The following SMYD3 variants were observed in gnomAD, a reference collection of about 807,000 sequenced individuals.
SMYD3 encodes the protein SET and MYND domain containing 3, also known as histone-lysine N-methyltransferase SMYD3.
Under a neutral mutation model 57.7 loss-of-function variants are expected in SMYD3, and 36 were observed. The ratio of observed to expected loss-of-function variants is 0.62; its 90% CI spans 0.48 to 0.82. The LOEUF (loss-of-function observed/expected upper bound fraction) is 0.82, where lower values mean the gene tolerates loss of function less well. SMYD3 is among the 40% of genes least tolerant of loss of function. The probability of loss-of-function intolerance (pLI) is 0.00; values close to 1 mark genes in which losing one functional copy is unlikely to be tolerated. For missense variants in SMYD3, 515 were observed against 538.8 expected, an observed-to-expected ratio of 0.96 and a Z score of 0.44; for synonymous variants, 211 against 195.0, an observed-to-expected ratio of 1.08 and a Z score of -0.68.
intron 5 of SMYD3, among the ~76,000 whole-genome samples, chr1:246,056,741 C>T (rs35792493): frequency 0.076 from 11,497 of 151,222 alleles, 516 homozygotes; most frequent in African/African-American, 0.12. Flanking sequence ...AAATATCACT[C>T]TGTAGCCCAT....
In SMYD3 at chr1:246,412,008, G is replaced by A. The variant is rs1255225745; in HGVS notation, c.165-56914C>T. Among the ~76,000 whole-genome samples the A allele has an allele frequency of 2.7e-5, 4 of 149,576 alleles. No individual in the cohort carries two copies. In the East Asian group the frequency reaches 7.8e-4, roughly 29 times the overall value. On this transcript the variant is annotated intron_variant, in intron 1 of 11. Coordinates refer to ENST00000490107, the MANE Select transcript of SMYD3 (RefSeq NM_001167740.2). ...AAAAAAAAAAACTTAAGGTACAGCA[G>A]CCACTATCCTGTCTCTTCCCCTTGT...
At chr1:246,406,093 A>ATT (rs529374213) in intron 1 of SMYD3, among the ~76,000 whole-genome samples, 5 of 145,312 alleles carry the variant, frequency 3.4e-5, no homozygotes, top group East Asian at 2.0e-4. Context: ...TTAAAATGGG[A>ATT]TTTTTTTTTT....
At chr1:245,765,359 A>C (rs1028828535) in intron 10 of SMYD3, among the ~76,000 whole-genome samples, 88 of 151,172 alleles carry the variant, frequency 5.8e-4, no homozygotes, top group African/African-American at 2.1e-3. Flanking sequence ...ACTGCACTCC[A>C]CCCTGGGTGA....
chr1:245,854,299 T>A (rs1572517237), intron 10 of SMYD3, among the ~76,000 whole-genome samples: 1 of 152,174 alleles, frequency 6.6e-6, no homozygotes, highest in Admixed American at 6.5e-5. Flanking sequence ...AAAATAAATA[T>A]AACTTTCACT....
chr1:246,259,732 TG>T (rs2063968142), intron 5 of SMYD3, among the ~76,000 whole-genome samples: 1 of 152,202 alleles, frequency 6.6e-6, no homozygotes, highest in Admixed American at 6.5e-5. Context: ...CCCAAGGGCA[TG>T]GGGCCAGACT....
chr1:246,380,396 A>G (rs2066367401), intron 1 of SMYD3, among the ~76,000 whole-genome samples: 1 of 152,250 alleles, frequency 6.6e-6, no homozygotes. Context: ...TCCCAATGGC[A>G]ATAAACTATA....
In SMYD3 at chr1:245,764,052, T is replaced by C; in HGVS notation, c.1174A>G (p.Asn392Asp). The change falls in exon 11 of 12, where the codon AAT (asparagine) becomes GAT (aspartate). Residue 392 changes from asparagine to aspartate, a missense_variant. Physicochemically the swap from Asn to Asp is conservative, Grantham distance 23 (BLOSUM62 1). Coordinates refer to ENST00000490107, the MANE Select transcript of SMYD3 (RefSeq NM_001167740.2). ...CTTGGCACACTCACCAGTCTCAGAT[T>C]CTTCATTGCTTGGGGAAACATGCCT... ...HQGMFPQAMKNLRLAFDIMRV... is the reference protein window; with the variant it reads ...HQGMFPQAMKDLRLAFDIMRV... 1 of 1,613,350 alleles carries C rather than the reference T, an allele frequency of 6.2e-7. No individual in the cohort carries two copies. Among genetic ancestry groups the C allele is most frequent in the Middle Eastern group, 1.6e-4 (1 of 6,062 alleles).
chr1:246,227,524 A>G (rs2063346715), intron 5 of SMYD3, among the ~76,000 whole-genome samples: 1 of 152,178 alleles, frequency 6.6e-6, no homozygotes, highest in South Asian at 2.1e-4. Flanking sequence ...CTGAGGCAGG[A>G]GAATCACTTG....
chr1:246,294,288 CA>C (rs1408264979), intron 5 of SMYD3, among the ~76,000 whole-genome samples: 1 of 152,192 alleles, frequency 6.6e-6, no homozygotes, highest in African/African-American at 2.4e-5. Context: ...GAATGATAGA[CA>C]ATTACAGAAG....
At chr1:245,982,069 G>A (rs940237543) in intron 5 of SMYD3, among the ~76,000 whole-genome samples, 1 of 152,204 alleles carries the variant, frequency 6.6e-6, no homozygotes, top group African/African-American at 2.4e-5. Flanking sequence ...TCCCTTTAAA[G>A]TTTTTGGGTA....
chr1:245,811,357 C>T (rs371581888), intron 10 of SMYD3, among the ~76,000 whole-genome samples: 2 of 152,280 alleles, frequency 1.3e-5, no homozygotes, highest in African/African-American at 2.4e-5. Flanking sequence ...GTGTTTCCAG[C>T]CTACTTAAGA....
At chr1:245,959,286 A>G (rs1045683002) in intron 5 of SMYD3, among the ~76,000 whole-genome samples, 44 of 152,054 alleles carry the variant, frequency 2.9e-4, no homozygotes, top group Non-Finnish European at 5.9e-4. Flanking sequence ...CTAAGTGAGG[A>G]GCAGTGTTAG....
Position 246,361,398 on chromosome 1 carries a change from G to A in SMYD3, c.165-6304C>T, listed in dbSNP as rs953453844. On this transcript the variant is annotated intron_variant, in intron 1 of 11. Coordinates refer to ENST00000490107, the MANE Select transcript of SMYD3 (RefSeq NM_001167740.2). ...ATGGAAAACAGTGGAGATTCCTAAA[G>A]AACTAAAAGTAAATCTACCATTTGA... Among the ~76,000 whole-genome samples, 10 of 152,266 alleles carry A rather than the reference G, an allele frequency of 6.6e-5. No homozygotes were observed. The East Asian group carries it at 1.9e-3, about 29-fold the overall frequency.
At chr1:245,973,710 C>T (rs995487694) in intron 5 of SMYD3, among the ~76,000 whole-genome samples, 7 of 152,176 alleles carry the variant, frequency 4.6e-5, no homozygotes, top group African/African-American at 1.7e-4. Context: ...CATCCCAACT[C>T]AAGAACAAAT....
chr1:246,091,079 G>A (rs573996040), intron 5 of SMYD3, among the ~76,000 whole-genome samples: 2 of 152,238 alleles, frequency 1.3e-5, no homozygotes, highest in South Asian at 2.1e-4. Flanking sequence ...ACAGGCATCC[G>A]TCAGCCAGTT....
At chr1:245,772,281 TTTC>T (rs2046368480) in intron 10 of SMYD3, among the ~76,000 whole-genome samples, 1 of 152,228 alleles carries the variant, frequency 6.6e-6, no homozygotes, top group East Asian at 1.9e-4. Flanking sequence ...TTTTCTTGCA[TTTC>T]TTTTACTTCA....
Position 246,355,536 on chromosome 1 carries a change from G to A in SMYD3, c.165-442C>T, listed in dbSNP as rs80224782. On this transcript the variant is annotated intron_variant, in intron 1 of 11. Transcript: ENST00000490107. This position sits in a 1 kb window ranked among gnomAD's most constrained non-coding sequence, Gnocchi z 5.0. ...CTGCTTGCTCAGCAGGGAGGCTGGC[G>A]GTCTGGGGCAAGTTCTCAGCCACAG... Among the ~76,000 whole-genome samples, 6,539 of 152,192 alleles carry A rather than the reference G, an allele frequency of 0.043. 180 individuals carry two copies. Among genetic ancestry groups the A allele is most frequent in the Non-Finnish European group, 0.056 (3,842 of 68,010 alleles).
Position 246,349,477 on chromosome 1 carries a change from C to T in SMYD3, c.228+5554G>A, listed in dbSNP as rs149804753. Among the ~76,000 whole-genome samples the T allele has an allele frequency of 2.0e-3, 303 of 152,050 alleles. 1 individual carries two copies. The highest frequency in any genetic ancestry group is 6.8e-3 in the African/African-American group (283 of 41,466). ...AAAAGTAGCCAGGCATGGTAGTGCA[C>T]GCCTGTAGTCCCAGCTATTTGAGGA... On this transcript the variant is annotated intron_variant, in intron 2 of 11. Coordinates refer to ENST00000490107, the MANE Select transcript of SMYD3 (RefSeq NM_001167740.2).
At chr1:246,067,564 C>T (rs1445173271) in intron 5 of SMYD3, among the ~76,000 whole-genome samples, 1 of 152,078 alleles carries the variant, frequency 6.6e-6, no homozygotes, top group Non-Finnish European at 1.5e-5. Flanking sequence ...CAGACTTGTG[C>T]CTCCTGGTAC....
Sources: allele counts gnomAD v4.1 joint callset (sites outside exome capture counted in the v4.1 genomes callset), GRCh38; gene constraint gnomAD v4.1.1; non-coding constraint Gnocchi (gnomAD v3.1); transcripts MANE v1.5; gene names NCBI Gene and HGNC (gene_info 2026-07-23, HGNC 2026-07-21).